The following NAV2 variants were observed in gnomAD, a reference collection of about 807,000 sequenced individuals.
NAV2 encodes neuron navigator 2, also known as helicase, APC down-regulated 1.
Under a neutral mutation model 223.2 loss-of-function variants are expected in NAV2, and 54 were observed. The ratio of observed to expected loss-of-function variants is 0.24; its 90% CI spans 0.19 to 0.30. The LOEUF (loss-of-function observed/expected upper bound fraction) is 0.30. NAV2 is among the 10% of genes least tolerant of loss of function. The pLI, the probability that NAV2 is intolerant of heterozygous loss-of-function variation, is 1.00. For synonymous variants in NAV2, 1,279 were observed against 1,239.3 expected, an observed-to-expected ratio of 1.03 and a Z score of -0.67; for missense variants, 2,806 against 3,147.5, an observed-to-expected ratio of 0.89 and a Z score of 2.60.
chr11:19,763,028 C>A (rs991743598), intron 1 of NAV2, among the ~76,000 whole-genome samples: 1 of 152,198 alleles, frequency 6.6e-6, no homozygotes, highest in Non-Finnish European at 1.5e-5. Context: ...TATTTACCTG[C>A]AATCTTCCTG....
intron 6 of NAV2, among the ~76,000 whole-genome samples, chr11:19,930,484 T>G (rs1425668716): frequency 6.6e-6 from 1 of 152,194 alleles, no homozygotes; most frequent in Non-Finnish European, 1.5e-5. Flanking sequence ...ATAAGGACAG[T>G]GTTGCAACCT....
At chr11:19,695,545 A>G (rs10833158) in intron 1 of NAV2, among the ~76,000 whole-genome samples, 15,286 of 152,182 alleles carry the variant, frequency 0.1, 895 homozygotes, top group South Asian at 0.16. Context: ...GCAAGCTGGA[A>G]AATGTGTTCC....
rs186213581 is a variant in NAV2, at chr11:19,884,514, T to C, written c.770+4387T>C. On this transcript the variant is annotated intron_variant, in intron 5 of 37. Transcript: ENST00000349880. ...AAATGTGCTTTGGCTAATGGTCCCATGGTGCAGAGCTTTGAAAGTGGCCAT... is the reference window on the plus strand; with the variant it reads ...AAATGTGCTTTGGCTAATGGTCCCACGGTGCAGAGCTTTGAAAGTGGCCAT... 180 of 669,168 alleles carry C rather than the reference T, an allele frequency of 2.7e-4. 1 individual carries two copies. The African/African-American group carries it at 2.9e-3, about 11-fold the overall frequency. 41.5% of individuals were successfully genotyped at this position (669,168 alleles called of 1,614,324 possible). A position where few individuals can be genotyped will look rare whatever the true frequency, so the allele number is the denominator to read the frequency against.
intron 1 of NAV2, among the ~76,000 whole-genome samples, chr11:19,546,834 C>G (rs971132376): frequency 1.3e-5 from 2 of 152,208 alleles, no homozygotes; most frequent in African/African-American, 2.4e-5. Flanking sequence ...CACTTTCTAA[C>G]CCCAGCTGCA....
At chr11:19,350,893 T>G in exon 1 of NAV2, 1 of 1,519,954 alleles carries the variant, frequency 6.6e-7, no homozygotes. Context: ...GTGGGTTATT[T>G]TGTTCCTCTG....
intron 1 of NAV2, among the ~76,000 whole-genome samples, chr11:19,460,550 C>CA (rs1334506142): frequency 4.7e-5 from 7 of 148,704 alleles, no homozygotes; most frequent in African/African-American, 1.7e-4. Flanking sequence ...ATCGCAAGGA[C>CA]AAAAAACCAA....
At chr11:19,395,732 C>A (rs1849422330) in intron 1 of NAV2, among the ~76,000 whole-genome samples, 6 of 152,198 alleles carry the variant, frequency 3.9e-5, no homozygotes. Context: ...TCTGTCCTTG[C>A]CACTGGGCCT....
intron 1 of NAV2, among the ~76,000 whole-genome samples, chr11:19,816,693 C>A (rs1271308263): frequency 1.3e-5 from 2 of 152,116 alleles, no homozygotes; most frequent in Admixed American, 1.3e-4. Context: ...ACAGAATATC[C>A]GCCCTCCTAA....
chr11:19,458,510 G>A (rs533536994), intron 1 of NAV2, among the ~76,000 whole-genome samples: 1 of 152,316 alleles, frequency 6.6e-6, no homozygotes, highest in South Asian at 2.1e-4. Context: ...AATGAATTGT[G>A]ATAATAGCTA....
intron 1 of NAV2, among the ~76,000 whole-genome samples, chr11:19,655,133 G>A (rs372911660): frequency 8.1e-4 from 124 of 152,208 alleles, no homozygotes; most frequent in African/African-American, 1.8e-3. Context: ...CAAAAGACAC[G>A]TGAAAAAATG....
intron 3 of NAV2, among the ~76,000 whole-genome samples, chr11:19,863,964 G>A (rs72909120): frequency 0.045 from 6,924 of 152,218 alleles, 219 homozygotes; most frequent in Non-Finnish European, 0.066. Flanking sequence ...CAGGTATGAG[G>A]GTCCCACACA....
At chr11:19,855,726 C>G (rs781417594) in intron 3 of NAV2, among the ~76,000 whole-genome samples, 7 of 152,224 alleles carry the variant, frequency 4.6e-5, no homozygotes, top group African/African-American at 7.2e-5. Flanking sequence ...CTCAGGCCCC[C>G]TTCTGTCTCT....
intron 3 of NAV2, among the ~76,000 whole-genome samples, chr11:19,860,876 C>A (rs1399547977): frequency 6.6e-6 from 1 of 152,036 alleles, no homozygotes; most frequent in African/African-American, 2.4e-5. Flanking sequence ...CCAAAAAATA[C>A]GAAAACCAGT....
chr11:19,663,484 G>T (rs1261422025), intron 1 of NAV2, among the ~76,000 whole-genome samples: 1 of 152,186 alleles, frequency 6.6e-6, no homozygotes, highest in African/African-American at 2.4e-5. Flanking sequence ...AACTCAGGCA[G>T]TCTGACTCCA....
intron 1 of NAV2, among the ~76,000 whole-genome samples, chr11:19,415,570 G>A (rs906348628): frequency 7.2e-5 from 11 of 152,196 alleles, no homozygotes; most frequent in Admixed American, 4.6e-4. Flanking sequence ...TAGAAAAAGA[G>A]GGAATCCTCC....
chr11:19,607,197 C>T (rs2046500553), intron 1 of NAV2, among the ~76,000 whole-genome samples: 1 of 152,216 alleles, frequency 6.6e-6, no homozygotes, highest in East Asian at 1.9e-4. Flanking sequence ...GGATCTTCAG[C>T]TCTTACTCTG....
chr11:19,590,929 T>C (rs2046041819), intron 1 of NAV2, among the ~76,000 whole-genome samples: 1 of 152,232 alleles, frequency 6.6e-6, no homozygotes, highest in African/African-American at 2.4e-5. Flanking sequence ...TTAGTTGGGC[T>C]TCTTTTGTCT....
chr11:19,371,490 C>T (rs1175157491), intron 1 of NAV2, among the ~76,000 whole-genome samples: 3 of 152,158 alleles, frequency 2.0e-5, no homozygotes, highest in South Asian at 4.1e-4. Context: ...AAGTAGTTAA[C>T]GTTTATTGAG....
At chr11:19,405,120 C>T (rs1010417634) in intron 1 of NAV2, among the ~76,000 whole-genome samples, 1 of 152,160 alleles carries the variant, frequency 6.6e-6, no homozygotes, top group Middle Eastern at 3.2e-3. Context: ...AATCCTGATG[C>T]CCCTGAGCGT....
Sources: allele counts gnomAD v4.1 joint callset (sites outside exome capture counted in the v4.1 genomes callset), GRCh38; gene constraint gnomAD v4.1.1; transcripts MANE v1.5; gene names NCBI Gene and HGNC (gene_info 2026-07-23, HGNC 2026-07-21).